CLXN: variants seen among roughly 807,000 people sequenced by gnomAD.
The protein encoded by CLXN is EF-hand calcium binding domain 1.
the CLXN span, among the ~76,000 whole-genome samples, chr8:48,713,029 T>G: frequency 0.032 from 4,806 of 149,654 alleles, 102 homozygotes; most frequent in Middle Eastern, 0.066. Flanking sequence ...AGAAAAAAAC[T>G]GAGCAAGTTT....
chr8:48,731,180 C>T, the CLXN span, among the ~76,000 whole-genome samples: 1 of 152,000 alleles, frequency 6.6e-6, no homozygotes, highest in Non-Finnish European at 1.5e-5. Context: ...AAAATAAAGC[C>T]AATATTACCT....
At chr8:48,731,380 A>G in the CLXN span, 1 of 1,612,908 alleles carries the variant, frequency 6.2e-7, no homozygotes. Flanking sequence ...TGTCATTCCA[A>G]ATGTCACATG....
the CLXN span, chr8:48,730,038 C>A: frequency 4.1e-6 from 2 of 493,470 alleles, no homozygotes; most frequent in African/African-American, 1.9e-5. Flanking sequence ...ATACAATAAT[C>A]CTTAGAAAAT....
the CLXN span, among the ~76,000 whole-genome samples, chr8:48,726,734 A>C: frequency 2.6e-5 from 3 of 116,928 alleles, no homozygotes; most frequent in Admixed American, 8.9e-5. Flanking sequence ...CCATCCATCT[A>C]CTCACCTCAC....
the CLXN span, among the ~76,000 whole-genome samples, chr8:48,712,990 CAAAA>C: frequency 7.0e-5 from 7 of 99,546 alleles, no homozygotes; most frequent in East Asian, 2.6e-4. Context: ...ACTCCTCTGT[CAAAA>C]AAAAAAAAAA....
chr8:48,714,779 C>T, the CLXN span: 1 of 152,298 alleles, frequency 6.6e-6, no homozygotes, highest in South Asian at 2.1e-4. Context: ...CAGAATTATG[C>T]AGAGACTGTA....
the CLXN span, among the ~76,000 whole-genome samples, chr8:48,719,309 G>C: frequency 6.6e-6 from 1 of 152,106 alleles, no homozygotes; most frequent in Non-Finnish European, 1.5e-5. Flanking sequence ...GTCCAGACCA[G>C]GTGGCTTTCT....
the CLXN span, among the ~76,000 whole-genome samples, chr8:48,713,092 G>T: frequency 6.6e-6 from 1 of 152,042 alleles, no homozygotes; most frequent in Admixed American, 6.5e-5. Flanking sequence ...TACCTGTTTG[G>T]GAGGGCTTGT....
the CLXN span, chr8:48,715,634 CCA>C: frequency 6.6e-6 from 1 of 152,160 alleles, no homozygotes; most frequent in Non-Finnish European, 1.5e-5. Context: ...CTGATGGTGC[CCA>C]CAGTCTTCAC....
the CLXN span, chr8:48,735,205 C>G: frequency 1.1e-4 from 183 of 1,604,336 alleles, 1 homozygote; most frequent in Middle Eastern, 1.3e-3. Flanking sequence ...GCGCGGCTAC[C>G]GAGACCCTCG....
chr8:48,732,722 A>G, the CLXN span, among the ~76,000 whole-genome samples: 82 of 152,314 alleles, frequency 5.4e-4, no homozygotes, highest in African/African-American at 1.8e-3. Context: ...GAGTCCATCA[A>G]TGGAGGAATG....
the CLXN span, among the ~76,000 whole-genome samples, chr8:48,732,893 TAGTC>T: frequency 8.5e-5 from 13 of 152,140 alleles, no homozygotes; most frequent in African/African-American, 2.9e-4. Context: ...ATAAGGTACT[TAGTC>T]AGATTTATAG....
chr8:48,722,188 G>T, the CLXN span, among the ~76,000 whole-genome samples: 11 of 152,086 alleles, frequency 7.2e-5, no homozygotes, highest in African/African-American at 1.9e-4. Context: ...TGATCAACAG[G>T]TCTATGAAAA....
chr8:48,731,639 T>A, the CLXN span: 29 of 662,046 alleles, frequency 4.4e-5, no homozygotes, highest in African/African-American at 5.1e-4. Flanking sequence ...TCTCCTGTTT[T>A]GAGATTCATG....
the CLXN span, among the ~76,000 whole-genome samples, chr8:48,712,755 CAT>C: frequency 6.6e-6 from 1 of 152,072 alleles, no homozygotes; most frequent in Non-Finnish European, 1.5e-5. Flanking sequence ...AATCCCAGCA[CAT>C]TGGGAGGCTG....
At chr8:48,735,110 G>C in the CLXN span, 1 of 1,614,128 alleles carries the variant, frequency 6.2e-7, no homozygotes, top group Admixed American at 1.7e-5. Context: ...TGCAATTTTT[G>C]GTTAAGGTGT....
the CLXN span, chr8:48,729,755 T>A: frequency 6.2e-7 from 1 of 1,612,602 alleles, no homozygotes; most frequent in Non-Finnish European, 8.5e-7. Flanking sequence ...AAATCTTTAA[T>A]TCCTTCATCA....
the CLXN span, among the ~76,000 whole-genome samples, chr8:48,725,227 G>A: frequency 4.6e-5 from 7 of 152,206 alleles, no homozygotes; most frequent in Non-Finnish European, 7.3e-5. Flanking sequence ...TGAGGGGGAT[G>A]TGGTTCAGTA....
chr8:48,719,903 C>A, the CLXN span, among the ~76,000 whole-genome samples: 25 of 152,108 alleles, frequency 1.6e-4, no homozygotes, highest in Admixed American at 6.5e-5. Flanking sequence ...GAAGTTCTAG[C>A]CAAAGCAATT....
Sources: gnomAD v4.1 joint callset for allele counts (sites outside exome capture counted in the v4.1 genomes callset) on GRCh38, gnomAD v4.1.1 for gene constraint, MANE v1.5 for transcripts, NCBI Gene and HGNC (gene_info 2026-07-23, HGNC 2026-07-21) for gene names.